Variants in NALCN observed in about 807,000 individuals in gnomAD.
The protein encoded by NALCN is sodium leak channel NALCN.
NALCN carries 111 observed loss-of-function variants against 225.3 expected under a neutral mutation model. That is an observed-to-expected ratio of 0.49 (90% CI 0.42 to 0.58). The LOEUF is 0.58. Among genes scored for constraint, NALCN ranks in the 20% least tolerant of loss-of-function variants. The pLI is 0.00. For missense variants in NALCN, 1,378 were observed against 2,202.4 expected (o/e 0.63, Z 7.49); for synonymous variants, 764 against 769.0 (o/e 0.99, Z 0.11).
chr13:101,332,726 A>G (rs796872705), intron 7 of NALCN, among the ~76,000 whole-genome samples: 52 of 152,380 alleles, frequency 3.4e-4, no homozygotes, highest in African/African-American at 1.2e-3. Context: ...ACCAGAACTA[A>G]TAAAAACATT....
chr13:101,227,995 C>T (rs571971645), intron 13 of NALCN, among the ~76,000 whole-genome samples: 2 of 152,112 alleles, frequency 1.3e-5, no homozygotes, highest in Non-Finnish European at 1.5e-5. Flanking sequence ...GCCTGGGAAT[C>T]GGCCTTGCCT....
intron 7 of NALCN, among the ~76,000 whole-genome samples, chr13:101,326,754 C>T (rs2044966485): frequency 6.6e-6 from 1 of 152,190 alleles, no homozygotes; most frequent in African/African-American, 2.4e-5. Context: ...GCCCGTGGTT[C>T]TGCAGAAGGC....
intron 30 of NALCN, among the ~76,000 whole-genome samples, chr13:101,084,953 T>A (rs754863899): frequency 3.9e-5 from 6 of 152,198 alleles, no homozygotes; most frequent in Non-Finnish European, 5.9e-5. Context: ...TATCCTAATA[T>A]TCTTGCAATA....
In NALCN at chr13:101,161,870, A is replaced by AAAAC. The variant is rs147476326; in HGVS notation, c.1839+14426_1839+14429dup. ...CTGGGTGACAGAGTGAGACTGTCTC[A>AAAAC]AAACAAACAAACAAACAAAAAACAA... On this transcript the variant is annotated intron_variant, in intron 15 of 43. Transcript: ENST00000251127. Among the ~76,000 whole-genome samples, 487 of 152,286 alleles carry AAAAC rather than the reference A, an allele frequency of 3.2e-3. 2 individuals carry two copies. Among genetic ancestry groups the AAAAC allele is most frequent in the African/African-American group, 0.011 (462 of 41,546 alleles).
intron 9 of NALCN, among the ~76,000 whole-genome samples, chr13:101,286,627 T>G (rs1022557224): frequency 1.3e-5 from 2 of 152,208 alleles, no homozygotes; most frequent in South Asian, 4.1e-4. Context: ...GCAACTTATT[T>G]TGGGCTTTTT....
At chr13:101,289,628 C>A (rs897100283) in intron 9 of NALCN, among the ~76,000 whole-genome samples, 1 of 151,748 alleles carries the variant, frequency 6.6e-6, no homozygotes, top group Non-Finnish European at 1.5e-5. Context: ...GCCCAGGACC[C>A]TTTAGTCCTT....
intron 6 of NALCN, among the ~76,000 whole-genome samples, chr13:101,366,955 CCT>C (rs59893979): frequency 0.027 from 4,030 of 152,032 alleles, 194 homozygotes; most frequent in African/African-American, 0.092. Flanking sequence ...CACCGCAGCC[CCT>C]GATAACCACC....
intron 18 of NALCN, among the ~76,000 whole-genome samples, chr13:101,122,033 T>TA (rs1470704231): frequency 1.3e-5 from 2 of 151,972 alleles, no homozygotes; most frequent in Non-Finnish European, 2.9e-5. Context: ...AAAAACAGTA[T>TA]AAAACAATAC....
chr13:101,170,219 A>T (rs1483149586), intron 15 of NALCN, among the ~76,000 whole-genome samples: 1 of 152,188 alleles, frequency 6.6e-6, no homozygotes, highest in East Asian at 1.9e-4. Context: ...TGCTCTCTTC[A>T]AGCTGGAGAC....
intron 7 of NALCN, among the ~76,000 whole-genome samples, chr13:101,327,144 A>G (rs2044985035): frequency 6.6e-6 from 1 of 152,162 alleles, no homozygotes; most frequent in African/African-American, 2.4e-5. Context: ...GTGTCCAGAG[A>G]AGCGACGATT....
At chr13:101,221,076 T>C (rs994641441) in intron 13 of NALCN, among the ~76,000 whole-genome samples, 1 of 152,164 alleles carries the variant, frequency 6.6e-6, no homozygotes, top group Non-Finnish European at 1.5e-5. Context: ...ATGCATTTTT[T>C]AAAAATAGAG....
intron 13 of NALCN, among the ~76,000 whole-genome samples, chr13:101,199,645 G>GT (rs1446109060): frequency 9.5e-6 from 1 of 105,116 alleles, no homozygotes; most frequent in East Asian, 3.3e-4. Context: ...ACTGGGGCCT[G>GT]TTGTGGGGTG....
intron 7 of NALCN, among the ~76,000 whole-genome samples, chr13:101,312,193 G>T (rs1014077384): frequency 1.3e-5 from 2 of 152,248 alleles, no homozygotes; most frequent in South Asian, 2.1e-4. Flanking sequence ...ATTTCTGTGG[G>T]ATCGGTGGTG....
chr13:101,332,920 T>C (rs2045238532), intron 7 of NALCN, among the ~76,000 whole-genome samples: 1 of 152,210 alleles, frequency 6.6e-6, no homozygotes, highest in African/African-American at 2.4e-5. Flanking sequence ...CACATGGCTG[T>C]AAGAACTACT....
At chr13:101,263,013 G>A (rs1432001746) in intron 10 of NALCN, among the ~76,000 whole-genome samples, 5 of 152,098 alleles carry the variant, frequency 3.3e-5, no homozygotes, top group Non-Finnish European at 5.9e-5. Flanking sequence ...TTTTCTGTTC[G>A]GGAATGAGAA....
intron 15 of NALCN, among the ~76,000 whole-genome samples, chr13:101,172,789 G>A (rs1261333331): frequency 6.6e-6 from 1 of 151,926 alleles, no homozygotes; most frequent in African/African-American, 2.4e-5. Flanking sequence ...GGATGGTCTC[G>A]ATCTCCTGAC....
chr13:101,240,133 T>A (rs1418658732), intron 11 of NALCN, among the ~76,000 whole-genome samples: 1 of 152,068 alleles, frequency 6.6e-6, no homozygotes, highest in East Asian at 1.9e-4. Context: ...ATATTGTTAG[T>A]GCTACAAACA....
At chr13:101,300,268 G>A (rs1423134010) in intron 7 of NALCN, among the ~76,000 whole-genome samples, 7 of 152,002 alleles carry the variant, frequency 4.6e-5, no homozygotes, top group Non-Finnish European at 1.0e-4. Context: ...TGTAAACCAT[G>A]TTTTCTCCCT....
intron 26 of NALCN, 84 bp from the exon 27 acceptor site, chr13:101,100,972 C>T (rs1238905684): frequency 5.8e-6 from 6 of 1,030,280 alleles, no homozygotes; most frequent in Non-Finnish European, 8.3e-6. Context: ...AATAGGACTT[C>T]TAAGATAACA....
Sources: allele counts gnomAD v4.1 joint callset (sites outside exome capture counted in the v4.1 genomes callset), GRCh38; gene constraint gnomAD v4.1.1; transcripts MANE v1.5; gene names NCBI Gene and HGNC (gene_info 2026-07-23, HGNC 2026-07-21).